Variants in ALDH5A1 observed in about 807,000 individuals in gnomAD.
ALDH5A1 encodes aldehyde dehydrogenase 5 family member A1.
Under a neutral mutation model 54.7 loss-of-function variants are expected in ALDH5A1, and 33 were observed. That is an observed-to-expected ratio of 0.60 (90% CI 0.46 to 0.81). ALDH5A1 has a LOEUF of 0.81. Ranked by LOEUF, ALDH5A1 falls within the 30% of genes least tolerant of loss-of-function variation. The probability of loss-of-function intolerance (pLI) is 0.00; values close to 1 mark genes in which losing one functional copy is unlikely to be tolerated. For synonymous variants in ALDH5A1, 294 were observed against 292.7 expected, an observed-to-expected ratio of 1.00 and a Z score of -0.05; for missense variants, 657 against 711.0, an observed-to-expected ratio of 0.92 and a Z score of 0.86.
intron 5 of ALDH5A1, 73 bp from the exon 6 acceptor site, chr6:24,520,327 AT>A (rs1300592592): frequency 1.2e-5 from 19 of 1,597,850 alleles, no homozygotes; most frequent in Non-Finnish European, 1.5e-5. Context: ...CCATTTGGTA[AT>A]TTTTTTAAAC....
At chr6:24,504,839 C>T in intron 3 of ALDH5A1, 30 bp from the exon 4 acceptor site, 1 of 1,598,498 alleles carries the variant, frequency 6.3e-7, no homozygotes, top group African/African-American at 1.3e-5. Context: ...TCCTTCCTCT[C>T]ACATACTTCC....
At chr6:24,511,291 C>T (rs1397874148) in intron 4 of ALDH5A1, among the ~76,000 whole-genome samples, 10 of 152,132 alleles carry the variant, frequency 6.6e-5, no homozygotes, top group East Asian at 1.9e-4. Context: ...CTGATGACAG[C>T]GTGCCTAGGG....
At chr6:24,514,502 G>T (rs1374864103) in intron 4 of ALDH5A1, among the ~76,000 whole-genome samples, 4 of 152,176 alleles carry the variant, frequency 2.6e-5, no homozygotes, top group African/African-American at 7.2e-5. Flanking sequence ...ACTTTGGGAG[G>T]CTGAGGTGGG....
chr6:24,536,672 T>C lies in ALDH5A1; in HGVS notation c.*2960T>C, dbSNP rs954538264. The C allele has an allele frequency of 3.3e-5, 5 of 152,228 alleles. No individual in the cohort carries two copies. Among genetic ancestry groups the C allele is most frequent in the Non-Finnish European group, 7.3e-5 (5 of 68,032 alleles). 9.4% of individuals were successfully genotyped at this position (152,228 alleles called of 1,614,324 possible). ...CCAGCGATGATAATGTACATGAAATTAGCCACGTAACAAGAGTCTATTTGC... is the reference window on the plus strand; with the variant it reads ...CCAGCGATGATAATGTACATGAAATCAGCCACGTAACAAGAGTCTATTTGC... On this transcript the variant is annotated 3_prime_UTR_variant, in exon 10 of 10. Coordinates refer to ENST00000357578, the MANE Select transcript of ALDH5A1 (RefSeq NM_001080.3).
At chr6:24,522,478 CGTGTGTGTGT>C in intron 6 of ALDH5A1, among the ~76,000 whole-genome samples, 1 of 134,610 alleles carries the variant, frequency 7.4e-6, no homozygotes, top group Non-Finnish European at 1.6e-5. Flanking sequence ...TCTTTTCTTT[CGTGTGTGTGT>C]GTGTGTGTGT....
chr6:24,504,032 G>A (rs1759266108), intron 3 of ALDH5A1, among the ~76,000 whole-genome samples: 1 of 152,110 alleles, frequency 6.6e-6, no homozygotes, highest in Non-Finnish European at 1.5e-5. Flanking sequence ...TCTGTCAGCT[G>A]GTCTCGAGAC....
Position 24,534,397 on chromosome 6 carries a change from C to T in ALDH5A1, c.*685C>T, listed in dbSNP as rs1334857032. 2.0e-5 allele frequency: 3 copies of T among 152,578 alleles called. No individual in the cohort carries two copies. The highest frequency in any genetic ancestry group is 4.4e-5 in the Non-Finnish European group (3 of 68,330). 9.5% of individuals were successfully genotyped at this position (152,578 alleles called of 1,614,324 possible). ...ATTTTCATTTCTGTCCTGTTTGCCA[C>T]TTCATTTCATTTCCTTGAGTAAATG... On this transcript the variant is annotated 3_prime_UTR_variant, in exon 10 of 10. Transcript: ENST00000357578.
At chr6:24,532,846 G>A (rs2744597) in intron 9 of ALDH5A1, among the ~76,000 whole-genome samples, 137,455 of 152,114 alleles carry the variant, frequency 0.9, 63,116 homozygotes, top group African/African-American at 0.98. Context: ...TAGAGTTATC[G>A]TAAAGCTGGA....
rs1167347136 is a variant in ALDH5A1, at chr6:24,495,298, C to T, written c.302C>T (p.Ala101Val). Residue 101 changes from alanine to valine, a missense_variant, in exon 1 of 10, where the codon GCC becomes GTC. By Grantham distance (64) the Ala-to-Val change is moderately conservative. This residue lies in a region of ALDH5A1 where 232 missense variants were observed against 194.6 expected (regional missense o/e 1.19). Coordinates refer to ENST00000357578, the MANE Select transcript of ALDH5A1 (RefSeq NM_001080.3). ...ADCGVREARA[A>V]VRAAYEAFCR... is the part of the protein sequence containing the mutation. Reference sequence around the variant, plus strand: ...TGCGGGGTGCGAGAGGCCCGCGCCGCCGTGCGCGCTGCCTACGAGGCTTTC... The same window carrying T: ...TGCGGGGTGCGAGAGGCCCGCGCCGTCGTGCGCGCTGCCTACGAGGCTTTC... The T allele has an allele frequency of 6.5e-7, 1 of 1,533,210 alleles. No individual in the cohort carries two copies. The highest frequency in any genetic ancestry group is 1.2e-5 in the South Asian group (1 of 83,950). The allele number at this position is 1,533,210 out of a possible 1,614,324, so 95.0% of individuals were successfully genotyped here.
Position 24,515,260 on chromosome 6 carries a change from G to C in ALDH5A1, c.820G>C (p.Asp274His), listed in dbSNP as rs1759547136. The C allele has an allele frequency of 6.2e-7, 1 of 1,613,880 alleles. No homozygotes were observed. Among genetic ancestry groups the C allele is most frequent in the Non-Finnish European group, 8.5e-7 (1 of 1,179,998 alleles). Residue 274 changes from aspartate to histidine, a missense_variant, in exon 5 of 10, where the codon GAT becomes CAT. Physicochemically the swap from Asp to His is moderately conservative, Grantham distance 81. Coordinates refer to ENST00000357578, the MANE Select transcript of ALDH5A1 (RefSeq NM_001080.3). The stretch of plus-strand genomic sequence containing the variant: ...GGAAGTAGGGGAGGCAATTTGTACT[G>C]ATCCTCTGGTGTCCAAAATTTCCTT... ...AKEVGEAICT[D>H]PLVSKISFTG... is the part of the protein sequence containing the mutation.
At chr6:24,521,405 C>G (rs1036455017) in intron 6 of ALDH5A1, among the ~76,000 whole-genome samples, 1 of 152,224 alleles carries the variant, frequency 6.6e-6, no homozygotes, top group African/African-American at 2.4e-5. Flanking sequence ...AGCCAAGGCT[C>G]CTGTCTTCCA....
intron 9 of ALDH5A1, 34 bp downstream of exon 9, chr6:24,532,211 A>G: frequency 1.2e-6 from 2 of 1,606,790 alleles, no homozygotes; most frequent in Non-Finnish European, 1.7e-6. Context: ...ACCAGTCATA[A>G]TCATTTTTCT....
rs546795654 is a variant in ALDH5A1 at position 24,512,759 on chromosome 6, G to T, written c.727-2408G>T. On this transcript the variant is annotated intron_variant, in intron 4 of 9. Transcript: ENST00000357578. ...GGCTGGAGTGAAATGACACAGTCTT[G>T]GCTCACTGCAATCTCCGCCTCCCTG... Among the ~76,000 whole-genome samples the T allele has an allele frequency of 1.1e-3, 163 of 152,232 alleles. 4 individuals are homozygous for T. In the Middle Eastern group the frequency reaches 0.041, roughly 38 times the overall value.
rs12332882 is a variant in ALDH5A1, at chr6:24,495,377, A to G, written c.354+27A>G. ...TGAGAGAGCCCGGATGCAGGGGGCC[A>G]GAGCTGGCCGGGGACACGGCGGGGA... On this transcript the variant is annotated intron_variant, in intron 1 of 9. Transcript: ENST00000357578. 7,445 of 1,529,868 alleles carry G rather than the reference A, an allele frequency of 4.9e-3. 207 individuals carry two copies. In the African/African-American group the frequency reaches 0.075, roughly 15 times the overall value. 94.8% of individuals were successfully genotyped at this position (1,529,868 alleles called of 1,614,324 possible).
intron 1 of ALDH5A1, among the ~76,000 whole-genome samples, chr6:24,500,567 A>C (rs1764799296): frequency 6.6e-6 from 1 of 151,968 alleles, no homozygotes; most frequent in South Asian, 2.1e-4. Context: ...GGATCGCTTA[A>C]AGCCAGGAGT....
At chr6:24,501,653 G>A (rs1764820021) in intron 1 of ALDH5A1, among the ~76,000 whole-genome samples, 1 of 152,182 alleles carries the variant, frequency 6.6e-6, no homozygotes, top group African/African-American at 2.4e-5. Context: ...AGAGGTTGCA[G>A]TGAGGTATGA....
chr6:24,496,489 T>C (rs1161411874), intron 1 of ALDH5A1, among the ~76,000 whole-genome samples: 1 of 152,206 alleles, frequency 6.6e-6, no homozygotes, highest in Non-Finnish European at 1.5e-5. Context: ...CTGGGTGGCC[T>C]GAACAACAGA....
intron 2 of ALDH5A1, 109 bp from the exon 3 acceptor site, chr6:24,503,154 G>C: frequency 7.3e-7 from 1 of 1,367,728 alleles, no homozygotes; most frequent in South Asian, 1.2e-5. Context: ...TATGGGTATC[G>C]TTATAGGAGA....
chr6:24,515,457 G>A, intron 5 of ALDH5A1, 147 bp downstream of exon 5: 1 of 957,416 alleles, frequency 1.0e-6, no homozygotes, highest in Non-Finnish European at 1.6e-6. Context: ...AAGCACGGCG[G>A]CTCATGCCTG....
Sources: allele counts gnomAD v4.1 joint callset (sites outside exome capture counted in the v4.1 genomes callset), GRCh38; gene constraint gnomAD v4.1.1; regional missense constraint gnomAD v4.1.1; transcripts MANE v1.5; gene names NCBI Gene and HGNC (gene_info 2026-07-23, HGNC 2026-07-21).